Variants in FAF1 observed in about 807,000 individuals in gnomAD.
FAF1 encodes the protein FAS-associated factor 1.
FAF1 carries 25 observed loss-of-function variants against 92.5 expected under a neutral mutation model. That is an observed-to-expected ratio of 0.27 (90% confidence interval 0.20 to 0.38). The LOEUF (loss-of-function observed/expected upper bound fraction) is 0.38, where lower values mean the gene tolerates loss of function less well. Ranked by LOEUF, FAF1 falls within the 10% of genes least tolerant of loss-of-function variation. FAF1 has a pLI of 1.00. For synonymous variants in FAF1, 234 were observed against 273.2 expected (o/e 0.86, Z 1.42); for missense variants, 636 against 793.3 (o/e 0.80, Z 2.38).
At chr1:50,785,320 T>A (rs1482728698) in intron 4 of FAF1, among the ~76,000 whole-genome samples, 1 of 151,706 alleles carries the variant, frequency 6.6e-6, no homozygotes, top group Non-Finnish European at 1.5e-5. Context: ...CACAGAAAAG[T>A]AAACAACAGA....
chr1:50,617,738 GTTC>G (rs1652994544), intron 8 of FAF1, among the ~76,000 whole-genome samples: 1 of 144,744 alleles, frequency 6.9e-6, no homozygotes, highest in African/African-American at 2.6e-5. Context: ...ACTGATACCA[GTTC>G]TTCTTTAGGT....
intron 4 of FAF1, among the ~76,000 whole-genome samples, chr1:50,753,489 T>C (rs1443879365): frequency 3.9e-5 from 6 of 152,182 alleles, no homozygotes; most frequent in African/African-American, 1.4e-4. Context: ...TGCCTCCATT[T>C]CTCTTGAGAA....
At chr1:50,456,640 G>A (rs934221902) in intron 18 of FAF1, among the ~76,000 whole-genome samples, 1 of 152,202 alleles carries the variant, frequency 6.6e-6, no homozygotes, top group African/African-American at 2.4e-5. Context: ...TACTACACAA[G>A]TATTTTCGGA....
intron 4 of FAF1, among the ~76,000 whole-genome samples, chr1:50,756,660 T>C (rs904009166): frequency 6.6e-6 from 1 of 152,198 alleles, no homozygotes; most frequent in African/African-American, 2.4e-5. Flanking sequence ...GGGTAATTTA[T>C]ACAGAAGAAA....
chr1:50,576,456 C>T (rs1401086150), intron 12 of FAF1, among the ~76,000 whole-genome samples: 1 of 152,176 alleles, frequency 6.6e-6, no homozygotes, highest in Non-Finnish European at 1.5e-5. Context: ...AAGGAACAAT[C>T]CTTCACATGG....
Position 50,480,117 on chromosome 1 carries a change from G to A in FAF1, c.1654-4438C>T, listed in dbSNP as rs549205289. 8.6e-4 allele frequency among the ~76,000 whole-genome samples: 131 copies of A among 152,216 alleles called. 2 individuals carry two copies. In the South Asian group the frequency reaches 0.026, roughly 30 times the overall value. On this transcript the variant is annotated intron_variant, in intron 17 of 18. Transcript: ENST00000396153. Reference sequence around the variant, plus strand: ...GTTTGTAATAAAACAAGGAAACCTGGTATAAGTTAGAAATATGAACTGATC... The same window carrying A: ...GTTTGTAATAAAACAAGGAAACCTGATATAAGTTAGAAATATGAACTGATC...
At chr1:50,792,868 G>A (rs1369331108) in intron 3 of FAF1, among the ~76,000 whole-genome samples, 2 of 152,108 alleles carry the variant, frequency 1.3e-5, no homozygotes, top group African/African-American at 4.8e-5. Flanking sequence ...ACAGAGAAAA[G>A]GTAAGAACAA....
At chr1:50,448,838 A>C (rs1238665301) in intron 18 of FAF1, among the ~76,000 whole-genome samples, 1 of 152,090 alleles carries the variant, frequency 6.6e-6, no homozygotes, top group South Asian at 2.1e-4. Flanking sequence ...GTTAAGTGAA[A>C]GGGTATTATT....
rs1233778778 is a variant in FAF1, at chr1:50,438,146, T to C, written c.*3294A>G. The C allele has an allele frequency of 6.6e-6, 1 of 151,086 alleles. No individual in the cohort carries two copies. The highest frequency in any genetic ancestry group is 2.4e-5 in the African/African-American group (1 of 41,166). 9.4% of individuals were successfully genotyped at this position (151,086 alleles called of 1,614,324 possible). On this transcript the variant is annotated 3_prime_UTR_variant, in exon 19 of 19. Transcript: ENST00000396153. ...TGCTGTGTGATTTTAGGCAAGCCAC[T>C]ATCCTCTAAGCCCCTTGTGCAAAAA...
At position 50,474,204 on chromosome 1, in the gene FAF1, C is replaced by T. The variant is rs368373234; in HGVS notation, c.1869+1260G>A. ...CCCCTGCAGCCTCAAAAAATCAGAT[C>T]CCTCTTTTACAAGGCACGCCTTCAA... On this transcript the variant is annotated intron_variant, in intron 18 of 18. Coordinates refer to ENST00000396153, the MANE Select transcript of FAF1 (RefSeq NM_007051.3). Among the ~76,000 whole-genome samples the T allele has an allele frequency of 2.6e-5, 4 of 152,178 alleles. No homozygotes were observed. The South Asian group carries it at 8.3e-4, about 32-fold the overall frequency.
chr1:50,441,937 C>T (rs1557946416), intron 18 of FAF1, among the ~76,000 whole-genome samples: 2 of 151,808 alleles, frequency 1.3e-5, no homozygotes, highest in Admixed American at 6.6e-5. Context: ...CCTCTTAGAA[C>T]TACATTATAA....
chr1:50,555,083 C>T (rs1649505787), intron 13 of FAF1, among the ~76,000 whole-genome samples: 1 of 151,902 alleles, frequency 6.6e-6, no homozygotes, highest in South Asian at 2.1e-4. Flanking sequence ...CTGGGCATGG[C>T]GGCATGAGCC....
intron 8 of FAF1, among the ~76,000 whole-genome samples, chr1:50,650,721 T>C (rs1654826035): frequency 6.6e-6 from 1 of 152,240 alleles, no homozygotes; most frequent in Admixed American, 6.5e-5. Context: ...GTATTCATAT[T>C]GTCTGCATTG....
chr1:50,774,924 TA>T (rs1660901974), intron 4 of FAF1, among the ~76,000 whole-genome samples: 1 of 152,024 alleles, frequency 6.6e-6, no homozygotes, highest in Non-Finnish European at 1.5e-5. Flanking sequence ...ATAAGGACCC[TA>T]AAAACATTAA....
At chr1:50,494,395 T>C (rs1375738682) in intron 15 of FAF1, among the ~76,000 whole-genome samples, 1 of 152,216 alleles carries the variant, frequency 6.6e-6, no homozygotes, top group African/African-American at 2.4e-5. Flanking sequence ...ACTGTCCTTG[T>C]AGAGGTTCCC....
intron 18 of FAF1, among the ~76,000 whole-genome samples, chr1:50,450,619 C>T (rs1481040335): frequency 6.6e-6 from 1 of 152,192 alleles, no homozygotes; most frequent in African/African-American, 2.4e-5. Flanking sequence ...TTACTGTCAA[C>T]TTAGTCCTAA....
intron 4 of FAF1, among the ~76,000 whole-genome samples, chr1:50,762,110 C>T (rs1385993324): frequency 2.6e-5 from 4 of 151,804 alleles, no homozygotes; most frequent in Middle Eastern, 6.8e-3. Context: ...GAGAATAAAA[C>T]ACCTAGGAAT....
At chr1:50,627,676 C>A (rs1486115643) in intron 8 of FAF1, among the ~76,000 whole-genome samples, 1 of 152,036 alleles carries the variant, frequency 6.6e-6, no homozygotes, top group African/African-American at 2.4e-5. Flanking sequence ...ATGGTCTTAT[C>A]TTTTGGATAA....
At chr1:50,582,115 C>T (rs148516149) in intron 12 of FAF1, among the ~76,000 whole-genome samples, 574 of 152,196 alleles carry the variant, frequency 3.8e-3, no homozygotes, top group African/African-American at 0.014. Context: ...TATCACTACA[C>T]AGAATAATCA....
Sources: gnomAD v4.1 joint callset for allele counts (sites outside exome capture counted in the v4.1 genomes callset) on GRCh38, gnomAD v4.1.1 for gene constraint, MANE v1.5 for transcripts, NCBI Gene and HGNC (gene_info 2026-07-23, HGNC 2026-07-21) for gene names.